NME7: variants seen among roughly 807,000 people sequenced by gnomAD.
NME7 encodes NME/NM23 family member 7.
NME7 carries 41 observed loss-of-function variants against 49.1 expected under a neutral mutation model. The observed-to-expected ratio is 0.83, with a 90% CI of 0.65 to 1.08. The LOEUF (loss-of-function observed/expected upper bound fraction) is 1.08, where lower values mean the gene tolerates loss of function less well. NME7 is among the 50% of genes least tolerant of loss of function. NME7 has a pLI of 0.00. For missense variants in NME7, 423 were observed against 463.4 expected, an observed-to-expected ratio of 0.91 and a Z score of 0.80; for synonymous variants, 139 against 150.6, an observed-to-expected ratio of 0.92 and a Z score of 0.56.
intron 1 of NME7, among the ~76,000 whole-genome samples, chr1:169,324,838 T>G (rs1301102683): frequency 6.6e-6 from 1 of 152,196 alleles, no homozygotes; most frequent in Non-Finnish European, 1.5e-5. Context: ...GAAAGCAAGT[T>G]TACATACAGA....
chr1:169,367,597 G>A, intron 1 of NME7, 111 bp downstream of exon 1: 1 of 1,200,400 alleles, frequency 8.3e-7, no homozygotes. Flanking sequence ...AGAGATAACG[G>A]GGAGAAGGTC....
intron 11 of NME7, among the ~76,000 whole-genome samples, chr1:169,166,482 C>G (rs1659415777): frequency 6.6e-6 from 1 of 151,970 alleles, no homozygotes; most frequent in Non-Finnish European, 1.5e-5. Flanking sequence ...ATTTAATAGA[C>G]TATTACTAAG....
intron 1 of NME7, among the ~76,000 whole-genome samples, chr1:169,361,854 T>C (rs1653670065): frequency 6.6e-6 from 1 of 151,890 alleles, no homozygotes; most frequent in Non-Finnish European, 1.5e-5. Flanking sequence ...AGTTGGAAAC[T>C]GAAAAGCATT....
intron 10 of NME7, among the ~76,000 whole-genome samples, chr1:169,198,055 GTA>G: frequency 6.6e-6 from 1 of 151,756 alleles, no homozygotes; most frequent in Middle Eastern, 3.4e-3. Flanking sequence ...AACTGAATAG[GTA>G]TTTCTCCATG....
chr1:169,310,638 T>C (rs1223741724), intron 3 of NME7: 1 of 152,440 alleles, frequency 6.6e-6, no homozygotes, highest in African/African-American at 2.4e-5. Flanking sequence ...AAATCATGTT[T>C]TTCTCCAGGA....
At chr1:169,201,228 C>CAATA (rs570188991) in intron 10 of NME7, among the ~76,000 whole-genome samples, 215 of 151,894 alleles carry the variant, frequency 1.4e-3, no homozygotes, top group African/African-American at 4.4e-3. Context: ...GAGACTGTCT[C>CAATA]AATAAATAAA....
At chr1:169,325,628 T>C (rs928211485) in intron 1 of NME7, among the ~76,000 whole-genome samples, 4 of 152,180 alleles carry the variant, frequency 2.6e-5, no homozygotes, top group Non-Finnish European at 4.4e-5. Context: ...AGGAGTTTTA[T>C]TGCTAATTCT....
chr1:169,210,669 A>T (rs1296340294), intron 10 of NME7, among the ~76,000 whole-genome samples: 1 of 152,178 alleles, frequency 6.6e-6, no homozygotes, highest in Non-Finnish European at 1.5e-5. Context: ...ACAATATGTT[A>T]CTACAAAATG....
intron 1 of NME7, among the ~76,000 whole-genome samples, chr1:169,366,751 T>C (rs569797648): frequency 4.1e-4 from 63 of 152,106 alleles, no homozygotes; most frequent in African/African-American, 1.4e-3. Context: ...AAAGGAGAAA[T>C]GAAGAGGGCA....
At chr1:169,355,495 T>A (rs1161100864) in intron 1 of NME7, among the ~76,000 whole-genome samples, 3 of 150,096 alleles carry the variant, frequency 2.0e-5, no homozygotes, top group Non-Finnish European at 4.4e-5. Context: ...TACCTCTTTA[T>A]CTCATCTGCC....
At chr1:169,303,080 G>C in intron 5 of NME7, 65 bp downstream of exon 5, 1 of 1,078,814 alleles carries the variant, frequency 9.3e-7, no homozygotes, top group Non-Finnish European at 1.4e-6. Flanking sequence ...TTTTACAAAT[G>C]TAACTCCATA....
chr1:169,319,090 A>T (rs1451300394), intron 3 of NME7, among the ~76,000 whole-genome samples: 2 of 151,768 alleles, frequency 1.3e-5, no homozygotes. Context: ...AATTAAAATT[A>T]AAATGTCTTT....
chr1:169,150,504 A>G (rs1334905505), intron 11 of NME7, among the ~76,000 whole-genome samples: 3 of 152,222 alleles, frequency 2.0e-5, no homozygotes, highest in Non-Finnish European at 4.4e-5. Context: ...AGATCATCAT[A>G]GTAAAGGCCT....
intron 3 of NME7, among the ~76,000 whole-genome samples, chr1:169,319,345 A>T (rs558403422): frequency 6.6e-6 from 1 of 152,336 alleles, no homozygotes; most frequent in South Asian, 2.1e-4. Context: ...GTTAAACTAC[A>T]TAAGTCTAGA....
At chr1:169,153,845 C>T (rs567704571) in intron 11 of NME7, among the ~76,000 whole-genome samples, 8 of 151,046 alleles carry the variant, frequency 5.3e-5, no homozygotes, top group African/African-American at 1.7e-4. Context: ...ACTTTAAACA[C>T]CTGCCACCAT....
In NME7 at chr1:169,237,761, T is replaced by G. The variant is rs976562164; in HGVS notation, c.755-74A>C. On this transcript the variant is annotated intron_variant, in intron 7 of 11. Transcript: ENST00000367811. Reference sequence around the variant, plus strand: ...TTAGTTTCTTAGAAATGCAAATTTTTTATAGCAAAGTACTTTTTGTTTATA... The same window carrying G: ...TTAGTTTCTTAGAAATGCAAATTTTGTATAGCAAAGTACTTTTTGTTTATA... 24 of 1,165,036 alleles carry G rather than the reference T, an allele frequency of 2.1e-5. No individual in the cohort carries two copies. The African/African-American group carries it at 3.7e-4, about 18-fold the overall frequency. The allele number at this position is 1,165,036 out of a possible 1,614,324, so 72.2% of individuals were successfully genotyped here.
intron 1 of NME7, among the ~76,000 whole-genome samples, chr1:169,360,908 A>C (rs761988089): frequency 5.3e-5 from 8 of 152,242 alleles, no homozygotes; most frequent in Non-Finnish European, 8.8e-5. Flanking sequence ...TTATCATCAA[A>C]GAGACTTTCC....
intron 10 of NME7, among the ~76,000 whole-genome samples, chr1:169,222,109 G>A (rs892022011): frequency 2.6e-5 from 4 of 150,960 alleles, no homozygotes; most frequent in Admixed American, 6.6e-5. Context: ...CTTCTCTGAT[G>A]ACTCCAACTT....
chr1:169,159,376 C>T (rs530507634), intron 11 of NME7, among the ~76,000 whole-genome samples: 1 of 152,232 alleles, frequency 6.6e-6, no homozygotes, highest in East Asian at 1.9e-4. Context: ...CTTCAGATCT[C>T]AAATTATGGG....
Sources: gnomAD v4.1 joint callset for allele counts (sites outside exome capture counted in the v4.1 genomes callset) on GRCh38, gnomAD v4.1.1 for gene constraint, MANE v1.5 for transcripts, NCBI Gene and HGNC (gene_info 2026-07-23, HGNC 2026-07-21) for gene names.